PRKG1: variants seen among roughly 807,000 people sequenced by gnomAD.
PRKG1 encodes the protein protein kinase cGMP-dependent 1, also known as cGMP-dependent protein kinase 1.
A neutral mutation model predicts 88.1 loss-of-function variants in PRKG1; 35 were observed. That is an observed-to-expected ratio of 0.40 (90% CI 0.30 to 0.53). The LOEUF is 0.53. Among genes scored for constraint, PRKG1 ranks in the 20% least tolerant of loss-of-function variants. The pLI is 0.59. For synonymous variants in PRKG1, 303 were observed against 292.5 expected (o/e 1.04, Z -0.37); for missense variants, 540 against 839.8 (o/e 0.64, Z 4.41).
intron 9 of PRKG1, among the ~76,000 whole-genome samples, chr10:52,196,106 G>C (rs1564512271): frequency 6.6e-6 from 1 of 152,078 alleles, no homozygotes; most frequent in East Asian, 1.9e-4. Flanking sequence ...TCCGCCTCCT[G>C]GGTTCATGCC....
At chr10:51,943,061 G>T (rs1344153797) in intron 5 of PRKG1, among the ~76,000 whole-genome samples, 2 of 151,950 alleles carry the variant, frequency 1.3e-5, no homozygotes, top group African/African-American at 4.8e-5. Context: ...CCATTTTCAC[G>T]ATAATGATTC....
intron 3 of PRKG1, among the ~76,000 whole-genome samples, chr10:51,618,457 G>A (rs1839121032): frequency 6.6e-6 from 1 of 152,154 alleles, no homozygotes; most frequent in Non-Finnish European, 1.5e-5. Context: ...GGTCATCATT[G>A]TCATTGTCAT....
chr10:51,792,915 A>G (rs1353105888), intron 3 of PRKG1, among the ~76,000 whole-genome samples: 1 of 152,110 alleles, frequency 6.6e-6, no homozygotes, highest in African/African-American at 2.4e-5. Context: ...GGTAGTTCTG[A>G]GCTTTCTCAG....
At chr10:51,870,630 C>G (rs1337387211) in intron 4 of PRKG1, among the ~76,000 whole-genome samples, 2 of 151,806 alleles carry the variant, frequency 1.3e-5, no homozygotes, top group African/African-American at 4.8e-5. Flanking sequence ...TGTCAGTTTC[C>G]CCTCCAATAC....
intron 3 of PRKG1, among the ~76,000 whole-genome samples, chr10:51,722,290 T>A (rs994797410): frequency 2.0e-5 from 3 of 152,104 alleles, no homozygotes; most frequent in African/African-American, 7.2e-5. Flanking sequence ...AATTTTCTTC[T>A]GAAAATCTTT....
chr10:51,678,450 A>G (rs1285457704), intron 3 of PRKG1, among the ~76,000 whole-genome samples: 1 of 152,178 alleles, frequency 6.6e-6, no homozygotes, highest in Non-Finnish European at 1.5e-5. Flanking sequence ...ACCACCCTAG[A>G]TCTACTTAAG....
chr10:51,545,891 C>G (rs762108837), intron 3 of PRKG1, among the ~76,000 whole-genome samples: 2 of 151,852 alleles, frequency 1.3e-5, no homozygotes, highest in Non-Finnish European at 2.9e-5. Context: ...CCCCTACACC[C>G]CCACCCAGCA....
intron 2 of PRKG1, among the ~76,000 whole-genome samples, chr10:51,269,950 G>C (rs1404221459): frequency 6.6e-6 from 1 of 152,120 alleles, no homozygotes; most frequent in African/African-American, 2.4e-5. Context: ...TTGGATCAGG[G>C]CTTTCCAACA....
intron 3 of PRKG1, among the ~76,000 whole-genome samples, chr10:51,505,641 A>C (rs1164614932): frequency 6.6e-6 from 1 of 152,048 alleles, no homozygotes; most frequent in East Asian, 1.9e-4. Context: ...TATTGCCTCA[A>C]TTTCAGAGCC....
At chr10:51,009,337 A>G (rs1046394297) in intron 1 of PRKG1, among the ~76,000 whole-genome samples, 6 of 152,196 alleles carry the variant, frequency 3.9e-5, no homozygotes, top group African/African-American at 1.4e-4. Flanking sequence ...ACACAGTTAT[A>G]TTTAGGGATA....
At chr10:52,086,730 G>A (rs1031266578) in intron 7 of PRKG1, among the ~76,000 whole-genome samples, 1 of 151,870 alleles carries the variant, frequency 6.6e-6, no homozygotes, top group Non-Finnish European at 1.5e-5. Flanking sequence ...CAAACAATTC[G>A]CTATATGTGG....
intron 3 of PRKG1, among the ~76,000 whole-genome samples, chr10:51,564,159 C>T (rs900057537): frequency 2.0e-5 from 3 of 151,302 alleles, no homozygotes; most frequent in South Asian, 2.1e-4. Context: ...ATACCTACTA[C>T]GTGCTGGGTA....
chr10:52,189,003 C>T (rs1338063856), intron 9 of PRKG1, among the ~76,000 whole-genome samples: 2 of 152,014 alleles, frequency 1.3e-5, no homozygotes, highest in Non-Finnish European at 2.9e-5. Flanking sequence ...AGAAATATGG[C>T]ATTTATATTG....
chr10:52,093,874 C>CA (rs1470936525), intron 7 of PRKG1, among the ~76,000 whole-genome samples: 1 of 152,038 alleles, frequency 6.6e-6, no homozygotes, highest in African/African-American at 2.4e-5. Context: ...GACTCTTCTA[C>CA]AAAAAATAAA....
At chr10:51,963,860 A>G (rs777543885) in intron 5 of PRKG1, among the ~76,000 whole-genome samples, 3 of 152,214 alleles carry the variant, frequency 2.0e-5, no homozygotes, top group Non-Finnish European at 2.9e-5. Context: ...TTCTGATTTT[A>G]TGTCAGTATC....
intron 3 of PRKG1, among the ~76,000 whole-genome samples, chr10:51,485,569 A>G (rs1461840273): frequency 6.6e-6 from 1 of 152,238 alleles, no homozygotes; most frequent in Non-Finnish European, 1.5e-5. Context: ...CCCCTAGTAT[A>G]ATAAAAAGTG....
chr10:51,453,737 A>C (rs1839504097), intron 2 of PRKG1, among the ~76,000 whole-genome samples: 1 of 151,988 alleles, frequency 6.6e-6, no homozygotes, highest in African/African-American at 2.4e-5. Context: ...CCTATGGTCC[A>C]TCTTGGAGAA....
chr10:52,134,847 C>T (rs893977869), intron 8 of PRKG1, among the ~76,000 whole-genome samples: 2 of 152,256 alleles, frequency 1.3e-5, no homozygotes, highest in South Asian at 4.1e-4. Context: ...CCCTTCTATG[C>T]TGGATCACTA....
intron 3 of PRKG1, among the ~76,000 whole-genome samples, chr10:51,721,049 T>A (rs10762331): frequency 0.44 from 66,760 of 150,780 alleles, 15,334 homozygotes; most frequent in Middle Eastern, 0.57. Flanking sequence ...TCTACAAAAA[T>A]AGACAAAAAA....
Sources: allele counts gnomAD v4.1 joint callset (sites outside exome capture counted in the v4.1 genomes callset), GRCh38; gene constraint gnomAD v4.1.1; transcripts MANE v1.5; gene names NCBI Gene and HGNC (gene_info 2026-07-23, HGNC 2026-07-21).